KLHL32: variants seen among roughly 807,000 people sequenced by gnomAD.
The protein encoded by KLHL32 is kelch like family member 32, also known as kelch-like protein 32.
Under a neutral mutation model 64.8 loss-of-function variants are expected in KLHL32, and 35 were observed. The ratio of observed to expected loss-of-function variants is 0.54; its 90% CI spans 0.41 to 0.72. The LOEUF (loss-of-function observed/expected upper bound fraction) is 0.72. KLHL32 is among the 30% of genes least tolerant of loss of function. The pLI, the probability that KLHL32 is intolerant of heterozygous loss-of-function variation, is 0.00. For synonymous variants in KLHL32, 259 were observed against 281.0 expected, an observed-to-expected ratio of 0.92 and a Z score of 0.78; for missense variants, 589 against 768.5, an observed-to-expected ratio of 0.77 and a Z score of 2.76.
At chr6:97,038,766 G>C (rs1784664040) in intron 3 of KLHL32, among the ~76,000 whole-genome samples, 1 of 151,822 alleles carries the variant, frequency 6.6e-6, no homozygotes, top group Non-Finnish European at 1.5e-5. Context: ...CATGTTTATT[G>C]TAGCACTGTT....
chr6:96,922,736 A>T (rs1768789634), upstream of KLHL32, among the ~76,000 whole-genome samples: 1 of 152,228 alleles, frequency 6.6e-6, no homozygotes, highest in African/African-American at 2.4e-5. Flanking sequence ...AATGGTACCT[A>T]AGAGAGAAAT....
chr6:97,053,107 C>T (rs1787214795), intron 4 of KLHL32, among the ~76,000 whole-genome samples: 1 of 152,124 alleles, frequency 6.6e-6, no homozygotes, highest in African/African-American at 2.4e-5. Flanking sequence ...CACACACGCA[C>T]ACACATTCTC....
chr6:97,138,616 TG>T (rs770995174), intron 10 of KLHL32, among the ~76,000 whole-genome samples: 2 of 152,062 alleles, frequency 1.3e-5, no homozygotes, highest in Non-Finnish European at 2.9e-5. Flanking sequence ...AGGAAAGAAC[TG>T]GGGAAAACCT....
intron 10 of KLHL32, among the ~76,000 whole-genome samples, chr6:97,135,467 A>G (rs1799902675): frequency 6.6e-6 from 1 of 151,776 alleles, no homozygotes; most frequent in Admixed American, 6.6e-5. Flanking sequence ...CACCATGCCC[A>G]GCTAATTTTT....
At chr6:97,014,185 T>C (rs1251826143) in intron 3 of KLHL32, among the ~76,000 whole-genome samples, 1 of 151,738 alleles carries the variant, frequency 6.6e-6, no homozygotes. Context: ...TCGCAGCTAC[T>C]CGGAGAGGCT....
In KLHL32 at chr6:97,099,405, T is replaced by A. The variant is rs185149971; in HGVS notation, c.627+14064T>A. 9.9e-4 allele frequency among the ~76,000 whole-genome samples: 151 copies of A among 152,364 alleles called. 1 individual carries two copies. The highest frequency in any genetic ancestry group is 3.5e-3 in the African/African-American group (145 of 41,586). On this transcript the variant is annotated intron_variant, in intron 6 of 10. Transcript: ENST00000369261. Reference sequence around the variant, plus strand: ...GTTCACCTTGCTCTTCCTCCTAATCTGATAAAGAATGTTTCAGACCTGTGA... The same window carrying A: ...GTTCACCTTGCTCTTCCTCCTAATCAGATAAAGAATGTTTCAGACCTGTGA...
the KLHL32 span, among the ~76,000 whole-genome samples, chr6:96,906,316 C>A: frequency 6.6e-6 from 1 of 152,018 alleles, no homozygotes; most frequent in African/African-American, 2.4e-5. Flanking sequence ...ATGAATACAG[C>A]AAGAATAAAG....
At chr6:97,088,770 T>C (rs187757265) in intron 6 of KLHL32, among the ~76,000 whole-genome samples, 2 of 152,326 alleles carry the variant, frequency 1.3e-5, no homozygotes, top group Admixed American at 6.5e-5. Flanking sequence ...ACATGGCAAT[T>C]CTTCATAAAA....
At chr6:96,966,899 T>C (rs11754336) in intron 1 of KLHL32, 97 bp from the exon 2 acceptor site, 116,149 of 601,084 alleles carry the variant, frequency 0.19, 13,048 homozygotes, top group African/African-American at 0.37. Context: ...CTCCAAGCTG[T>C]CTCCCTGGAA....
chr6:96,909,063 G>A, the KLHL32 span, among the ~76,000 whole-genome samples: 1 of 152,090 alleles, frequency 6.6e-6, no homozygotes, highest in Non-Finnish European at 1.5e-5. Context: ...GCAGCAGAAG[G>A]GCTAAGATGC....
the KLHL32 span, among the ~76,000 whole-genome samples, chr6:96,911,490 A>T: frequency 6.6e-6 from 1 of 151,924 alleles, no homozygotes; most frequent in Non-Finnish European, 1.5e-5. Context: ...ATTTTTTCCC[A>T]CCAGCATTTA....
At chr6:96,932,816 C>T (rs902023553) in intron 1 of KLHL32, among the ~76,000 whole-genome samples, 4 of 152,038 alleles carry the variant, frequency 2.6e-5, no homozygotes, top group Non-Finnish European at 5.9e-5. Flanking sequence ...AGCAATTCTT[C>T]CACCTTGGGC....
At chr6:97,068,126 A>T (rs1043551289) in intron 5 of KLHL32, among the ~76,000 whole-genome samples, 1 of 152,182 alleles carries the variant, frequency 6.6e-6, no homozygotes, top group African/African-American at 2.4e-5. Context: ...CAAGTGATGC[A>T]TCAGAAGCTT....
chr6:97,091,969 T>A (rs547149970), intron 6 of KLHL32, among the ~76,000 whole-genome samples: 1 of 144,224 alleles, frequency 6.9e-6, no homozygotes, highest in African/African-American at 2.5e-5. Context: ...CCTTCTTCAA[T>A]TCTCTTTCTT....
rs1050677673 is a variant in KLHL32 at position 97,080,820 on chromosome 6, G to C, written c.412-4306G>C. Among the ~76,000 whole-genome samples, 3 of 152,112 alleles carry C rather than the reference G, an allele frequency of 2.0e-5. No individual in the cohort carries two copies. The South Asian group carries it at 6.2e-4, about 32-fold the overall frequency. The stretch of plus-strand genomic sequence containing the variant: ...TAAATGCTGAAGATAATTATAGGTG[G>C]TGACAAGCTCTAAAACAAATAAGAT... On this transcript the variant is annotated intron_variant, in intron 5 of 10. Coordinates refer to ENST00000369261, the MANE Select transcript of KLHL32 (RefSeq NM_052904.4).
At chr6:96,975,356 T>G (rs568262176) in intron 2 of KLHL32, among the ~76,000 whole-genome samples, 6 of 152,364 alleles carry the variant, frequency 3.9e-5, no homozygotes, top group African/African-American at 1.4e-4. Context: ...GCTTTAAATT[T>G]GTTTTCATTT....
upstream of KLHL32, among the ~76,000 whole-genome samples, chr6:96,920,432 T>C (rs1768715477): frequency 6.6e-6 from 1 of 152,090 alleles, no homozygotes; most frequent in South Asian, 2.1e-4. Flanking sequence ...GTTCCCCAGG[T>C]TAGAGAGTGA....
chr6:97,093,828 A>G lies in KLHL32; in HGVS notation c.627+8487A>G, dbSNP rs993917882. On this transcript the variant is annotated intron_variant, in intron 6 of 10. Coordinates refer to ENST00000369261, the MANE Select transcript of KLHL32 (RefSeq NM_052904.4). ...AGTATAAAGCAGGAAATGAAAGCCG[A>G]TAAGGGAGGATCTCTTTAAAATCTG... is the stretch of plus-strand genomic sequence containing the variant. Among the ~76,000 whole-genome samples the G allele has an allele frequency of 5.3e-5, 8 of 152,198 alleles. No homozygotes were observed. In the East Asian group the frequency reaches 1.2e-3, roughly 22 times the overall value.
intron 5 of KLHL32, among the ~76,000 whole-genome samples, chr6:97,073,362 T>C (rs1933464): frequency 0.9 from 136,968 of 152,266 alleles, 61,756 homozygotes; most frequent in East Asian, 1. Context: ...GTCACTTTCT[T>C]TCTGCCTCTG....
Sources: gnomAD v4.1 joint callset for allele counts (sites outside exome capture counted in the v4.1 genomes callset) on GRCh38, gnomAD v4.1.1 for gene constraint, MANE v1.5 for transcripts, NCBI Gene and HGNC (gene_info 2026-07-23, HGNC 2026-07-21) for gene names.